E2F3: variants seen among roughly 807,000 people sequenced by gnomAD.
E2F3 encodes the protein transcription factor E2F3.
Under a neutral mutation model 44.4 loss-of-function variants are expected in E2F3, and 11 were observed. That is an observed-to-expected ratio of 0.25 (90% CI 0.16 to 0.41). The LOEUF is 0.41. E2F3 is among the 10% of genes least tolerant of loss of function. E2F3 has a pLI of 1.00. For missense variants in E2F3, 487 were observed against 583.6 expected (o/e 0.83, Z 1.70); for synonymous variants, 249 against 253.0 (o/e 0.98, Z 0.15).
chr6:20,433,111 T>C (rs1760461545), intron 1 of E2F3, among the ~76,000 whole-genome samples: 1 of 152,226 alleles, frequency 6.6e-6, no homozygotes, highest in Non-Finnish European at 1.5e-5. Context: ...TCTGTGAATA[T>C]TTGCTAAATG....
chr6:20,406,124 C>G (rs1303403703), intron 1 of E2F3, among the ~76,000 whole-genome samples: 1 of 152,172 alleles, frequency 6.6e-6, no homozygotes, highest in Admixed American at 6.5e-5. Flanking sequence ...ATCCCAAGTT[C>G]TGTCTCAAGA....
chr6:20,474,790 A>C (rs1761995313), intron 1 of E2F3, among the ~76,000 whole-genome samples: 1 of 152,204 alleles, frequency 6.6e-6, no homozygotes, highest in Non-Finnish European at 1.5e-5. Flanking sequence ...CTTTTTCAAG[A>C]GATTCTAATT....
chr6:20,473,667 G>C (rs1198551386), intron 1 of E2F3, among the ~76,000 whole-genome samples: 1 of 152,184 alleles, frequency 6.6e-6, no homozygotes, highest in African/African-American at 2.4e-5. Flanking sequence ...CTCCCTTGAA[G>C]GGATTGGGAC....
intron 1 of E2F3, among the ~76,000 whole-genome samples, chr6:20,436,832 A>G (rs189404894): frequency 1.3e-5 from 2 of 152,150 alleles, no homozygotes; most frequent in Admixed American, 1.3e-4. Flanking sequence ...ACTTTTTAAA[A>G]CATCAGGCCA....
intron 4 of E2F3, 84 bp downstream of exon 4, chr6:20,483,004 A>T: frequency 6.3e-7 from 1 of 1,588,378 alleles, no homozygotes. Context: ...TGCACAAGGT[A>T]GATTATTATT....
chr6:20,485,281 A>T (rs527587545), intron 4 of E2F3, among the ~76,000 whole-genome samples: 2 of 152,288 alleles, frequency 1.3e-5, no homozygotes, highest in African/African-American at 4.8e-5. Context: ...TTCAGTGCTT[A>T]GAAAAAATGA....
intron 1 of E2F3, among the ~76,000 whole-genome samples, chr6:20,415,041 G>C (rs1759799515): frequency 6.6e-6 from 1 of 152,188 alleles, no homozygotes; most frequent in South Asian, 2.1e-4. Flanking sequence ...CCCGTGGTAG[G>C]AACTCTTGAG....
intron 1 of E2F3, among the ~76,000 whole-genome samples, chr6:20,430,371 C>G (rs1227133300): frequency 6.6e-6 from 1 of 152,172 alleles, no homozygotes; most frequent in African/African-American, 2.4e-5. Context: ...AAATACCACT[C>G]ACGTCTGACA....
intron 1 of E2F3, among the ~76,000 whole-genome samples, chr6:20,477,798 C>T (rs182811358): frequency 2.0e-5 from 3 of 152,232 alleles, no homozygotes; most frequent in East Asian, 3.9e-4. Context: ...AATTCATCCT[C>T]GTTATCTTCA....
chr6:20,481,179 C>A, intron 2 of E2F3, 27 bp from the exon 3 acceptor site: 1 of 1,609,236 alleles, frequency 6.2e-7, no homozygotes, highest in Non-Finnish European at 8.5e-7. Context: ...CTATCCCCCA[C>A]CCGCTCGGTT....
intron 1 of E2F3, among the ~76,000 whole-genome samples, chr6:20,453,356 G>A (rs1761197179): frequency 6.6e-6 from 1 of 151,932 alleles, no homozygotes; most frequent in Non-Finnish European, 1.5e-5. Context: ...TTAAATATTT[G>A]CTCCATTTGA....
intron 1 of E2F3, among the ~76,000 whole-genome samples, chr6:20,423,109 A>G (rs569846158): frequency 6.6e-5 from 10 of 152,254 alleles, no homozygotes; most frequent in African/African-American, 2.2e-4. Context: ...TTCTTTCTAC[A>G]TATGTTTATT....
intron 1 of E2F3, among the ~76,000 whole-genome samples, chr6:20,455,997 A>T (rs1178224039): frequency 6.6e-6 from 1 of 152,062 alleles, no homozygotes; most frequent in African/African-American, 2.4e-5. Flanking sequence ...GTATTCTTCC[A>T]TTTTTGCTTA....
chr6:20,470,739 C>T (rs573618062), intron 1 of E2F3, among the ~76,000 whole-genome samples: 1 of 152,170 alleles, frequency 6.6e-6, no homozygotes, highest in Non-Finnish European at 1.5e-5. Context: ...TTAGCATTCA[C>T]AGTTTGTTAA....
intron 3 of E2F3, among the ~76,000 whole-genome samples, chr6:20,481,895 C>A (rs1056348429): frequency 6.6e-6 from 1 of 152,126 alleles, no homozygotes; most frequent in Non-Finnish European, 1.5e-5. Context: ...GATTAACTCA[C>A]TTTCTGGGTA....
rs909231789 is a variant in E2F3, at chr6:20,461,970, G to T, written c.394-17876G>T. On this transcript the variant is annotated intron_variant, in intron 1 of 6. Coordinates refer to ENST00000346618, the MANE Select transcript of E2F3 (RefSeq NM_001949.5). ...TTGCCAACCTTGTAAGTGTGAGAAG[G>T]CTATTTCATTTTAATTTATATTTCT... Among the ~76,000 whole-genome samples, 6 of 152,144 alleles carry T rather than the reference G, an allele frequency of 3.9e-5. No homozygotes were observed. The East Asian group carries it at 5.8e-4, about 15-fold the overall frequency.
At chr6:20,454,710 C>T (rs1365719243) in intron 1 of E2F3, among the ~76,000 whole-genome samples, 1 of 152,214 alleles carries the variant, frequency 6.6e-6, no homozygotes, top group Non-Finnish European at 1.5e-5. Flanking sequence ...TCCTTCTCAT[C>T]CCTTGCCCCT....
chr6:20,415,368 C>T (rs958023839), intron 1 of E2F3, among the ~76,000 whole-genome samples: 1 of 152,214 alleles, frequency 6.6e-6, no homozygotes, highest in East Asian at 1.9e-4. Context: ...GACTTCAGCG[C>T]TCTTAACATT....
chr6:20,490,750 C>T lies in E2F3; in HGVS notation c.*320C>T, dbSNP rs1247514416. ...CGAATTGTCCTTCCTCCTTCCTCCC[C>T]GGATTGGCTTGCTGTGCCTGACGGA... On this transcript the variant is annotated 3_prime_UTR_variant, in exon 7 of 7. Transcript: ENST00000346618. This position sits in a 1 kb window ranked among gnomAD's most constrained non-coding sequence, Gnocchi z 4.3. The T allele has an allele frequency of 2.0e-5, 5 of 253,548 alleles. No individual in the cohort carries two copies. Among genetic ancestry groups the T allele is most frequent in the Non-Finnish European group, 3.0e-5 (4 of 132,362 alleles). The allele number at this position is 253,548 out of a possible 1,614,324, so 15.7% of individuals were successfully genotyped here.
Sources: gnomAD v4.1 joint callset for allele counts (sites outside exome capture counted in the v4.1 genomes callset) on GRCh38, gnomAD v4.1.1 for gene constraint, Gnocchi (gnomAD v3.1) non-coding constraint, MANE v1.5 for transcripts, NCBI Gene and HGNC (gene_info 2026-07-23, HGNC 2026-07-21) for gene names.